APAF1: variants seen among roughly 807,000 people sequenced by gnomAD.
APAF1 encodes apoptotic protease-activating factor 1.
Under a neutral mutation model 152.4 loss-of-function variants are expected in APAF1, and 91 were observed. The observed-to-expected ratio is 0.60, with a 90% CI of 0.50 to 0.71. APAF1 has a LOEUF of 0.71. APAF1 is among the 30% of genes least tolerant of loss of function. The pLI is 0.00. For missense variants in APAF1, 1,283 were observed against 1,472.0 expected (o/e 0.87, Z 2.10); for synonymous variants, 484 against 494.1 (o/e 0.98, Z 0.27).
Position 98,699,461 on chromosome 12 carries a change from C to T in APAF1, c.2358C>T (p.Phe786=), listed in dbSNP as rs889240648. The T allele has an allele frequency of 6.2e-7, 1 of 1,613,930 alleles. No individual in the cohort carries two copies. Among genetic ancestry groups the T allele is most frequent in the African/African-American group, 1.3e-5 (1 of 74,900 alleles). ...GGAAAAGCATTAATGTGAAACAGTT[C>T]TTCCTAAATTTGGAGGACCCTCAAG... ...NERKSINVKQ[F]FLNLEDPQED... is the part of the protein sequence containing the mutation. Residue 786 remains phenylalanine (F), a synonymous_variant, in exon 17 of 27, where the codon TTC becomes TTT. Transcript: ENST00000551964.
At chr12:98,689,966 A>G (rs1004443734) in intron 16 of APAF1, among the ~76,000 whole-genome samples, 3 of 152,152 alleles carry the variant, frequency 2.0e-5, no homozygotes, top group South Asian at 2.1e-4. Context: ...GGAACTTGAC[A>G]TCTTTTTGTT....
At chr12:98,652,034 C>T (rs58689985) in intron 4 of APAF1, among the ~76,000 whole-genome samples, 8 of 152,056 alleles carry the variant, frequency 5.3e-5, no homozygotes, top group Non-Finnish European at 8.8e-5. Context: ...AGGTTGGTCT[C>T]GAACTCCTGA....
intron 12 of APAF1, among the ~76,000 whole-genome samples, chr12:98,675,043 G>A (rs1223649929): frequency 6.6e-6 from 1 of 152,126 alleles, no homozygotes; most frequent in Non-Finnish European, 1.5e-5. Flanking sequence ...TTCTCCCATT[G>A]CATCAACTGC....
chr12:98,694,850 A>G (rs1254122290), intron 16 of APAF1, among the ~76,000 whole-genome samples: 1 of 145,544 alleles, frequency 6.9e-6, no homozygotes, highest in Non-Finnish European at 1.5e-5. Flanking sequence ...TGGTTTTCCT[A>G]TGGGTTATCT....
At chr12:98,674,791 C>T (rs750252310) in intron 12 of APAF1, among the ~76,000 whole-genome samples, 3 of 152,170 alleles carry the variant, frequency 2.0e-5, no homozygotes, top group East Asian at 1.9e-4. Flanking sequence ...TGTATATAAA[C>T]GTATAGACAT....
intron 16 of APAF1, among the ~76,000 whole-genome samples, chr12:98,698,529 G>C (rs756839017): frequency 7.2e-4 from 109 of 152,292 alleles, no homozygotes; most frequent in Middle Eastern, 3.4e-3. Context: ...AAGTAGAAAA[G>C]TTTTGGTTTT....
intron 9 of APAF1, among the ~76,000 whole-genome samples, chr12:98,666,594 C>T (rs540854151): frequency 6.6e-6 from 1 of 152,068 alleles, no homozygotes; most frequent in Non-Finnish European, 1.5e-5. Flanking sequence ...TTTAGGATCC[C>T]GTATTGCATA....
rs374616782 is a variant in APAF1, at chr12:98,722,581, C to T, written c.3085-612C>T. Among the ~76,000 whole-genome samples, 92 of 152,280 alleles carry T rather than the reference C, an allele frequency of 6.0e-4. 1 individual carries two copies. The highest frequency in any genetic ancestry group is 1.7e-3 in the African/African-American group (71 of 41,550). On this transcript the variant is annotated intron_variant, in intron 22 of 26. Transcript: ENST00000551964. ...GATACGTTTGTATGCATATTTTGTG[C>T]TAGTTACTCATGTTATTTCATTCCC...
At chr12:98,708,823 C>A in intron 20 of APAF1, 119 bp downstream of exon 20, 1 of 942,040 alleles carries the variant, frequency 1.1e-6, no homozygotes, top group Non-Finnish European at 1.6e-6. Context: ...AGGTGTCCAG[C>A]AGACATTAGT....
chr12:98,683,498 A>G (rs192461619), intron 15 of APAF1, among the ~76,000 whole-genome samples: 29 of 152,312 alleles, frequency 1.9e-4, no homozygotes, highest in Admixed American at 1.8e-3. Context: ...GCTGACTCCA[A>G]ATGCTTAAAC....
chr12:98,659,236 T>A lies in APAF1; in HGVS notation c.603T>A (p.Asn201Lys), dbSNP rs1366413214. The A allele has an allele frequency of 6.2e-7, 1 of 1,614,072 alleles. No individual in the cohort carries two copies. The highest frequency in any genetic ancestry group is 1.3e-5 in the African/African-American group (1 of 74,926). Residue 201 changes from asparagine (N) to lysine (K), a missense_variant, in exon 5 of 27, where the codon AAT (asparagine) becomes AAA (lysine). Asn to Lys is a moderately conservative substitution (Grantham distance 94, BLOSUM62 0). Coordinates refer to ENST00000551964, the MANE Select transcript of APAF1 (RefSeq NM_181861.2). ...CTGGGCTTCTGATGAAACTGCAGAA[T>A]CTTTGCACACGGTTGGATCAGGATG... ...DKSGLLMKLQNLCTRLDQDES... is the reference protein window; with the variant it reads ...DKSGLLMKLQKLCTRLDQDES...
intron 16 of APAF1, among the ~76,000 whole-genome samples, chr12:98,687,361 C>T (rs1343600905): frequency 3.3e-5 from 3 of 92,136 alleles, no homozygotes; most frequent in Non-Finnish European, 7.0e-5. Context: ...GACTCCGTCT[C>T]AAAAAAAAAA....
At chr12:98,649,145 T>G (rs1248422040) in intron 3 of APAF1, 1 of 800,612 alleles carries the variant, frequency 1.2e-6, no homozygotes, top group African/African-American at 1.9e-5. Context: ...TTTAGAAATA[T>G]ATGTTCTTGA....
intron 15 of APAF1, among the ~76,000 whole-genome samples, chr12:98,683,965 T>G (rs7311426): frequency 0.16 from 24,557 of 152,198 alleles, 2,313 homozygotes; most frequent in Non-Finnish European, 0.22. Flanking sequence ...TCCTCTTAAG[T>G]GGATAAAGAT....
intron 16 of APAF1, among the ~76,000 whole-genome samples, chr12:98,688,820 C>G (rs2097700937): frequency 6.7e-6 from 1 of 150,108 alleles, no homozygotes; most frequent in Non-Finnish European, 1.5e-5. Flanking sequence ...TTCTTTCTTT[C>G]TTTCTTTTTT....
intron 25 of APAF1, chr12:98,726,768 A>C (rs567124083): frequency 1.3e-5 from 2 of 154,758 alleles, no homozygotes; most frequent in Admixed American, 6.5e-5. Flanking sequence ...TTGTTGGTAC[A>C]TTAAAAAAAT....
At chr12:98,710,244 GC>G (rs1251417349) in intron 20 of APAF1, among the ~76,000 whole-genome samples, 1 of 150,362 alleles carries the variant, frequency 6.7e-6, no homozygotes, top group African/African-American at 2.5e-5. Context: ...TATATTTAGG[GC>G]CTTTCATTAG....
At chr12:98,673,091 C>G (rs893146501) in intron 12 of APAF1, among the ~76,000 whole-genome samples, 4 of 151,998 alleles carry the variant, frequency 2.6e-5, no homozygotes, top group African/African-American at 9.7e-5. Flanking sequence ...ATGTAAGTAC[C>G]TAAAATTGAC....
intron 24 of APAF1, 40 bp from the exon 25 acceptor site, chr12:98,725,375 G>T (rs763804980): frequency 1.9e-6 from 3 of 1,613,008 alleles, no homozygotes; most frequent in Non-Finnish European, 1.7e-6. Context: ...CTTATTTTGA[G>T]TGTTTATAGC....
Sources: gnomAD v4.1 joint callset for allele counts (sites outside exome capture counted in the v4.1 genomes callset) on GRCh38, gnomAD v4.1.1 for gene constraint, MANE v1.5 for transcripts, NCBI Gene and HGNC (gene_info 2026-07-23, HGNC 2026-07-21) for gene names.